The following TBL1XR1 variants were observed in gnomAD, a reference collection of about 807,000 sequenced individuals.
TBL1XR1 encodes the protein F-box-like/WD repeat-containing protein TBL1XR1.
TBL1XR1 carries 5 observed loss-of-function variants against 66.9 expected under a neutral mutation model. That is an observed-to-expected ratio of 0.07 (90% CI 0.04 to 0.16). The LOEUF is 0.16. TBL1XR1 is among the 10% of genes least tolerant of loss of function. The pLI is 1.00. For missense variants in TBL1XR1, 238 were observed against 623.2 expected, an observed-to-expected ratio of 0.38 and a Z score of 6.58; for synonymous variants, 210 against 206.0, an observed-to-expected ratio of 1.02 and a Z score of -0.17.
intron 7 of TBL1XR1, 138 bp downstream of exon 7, chr3:177,049,859 G>T: frequency 1.1e-6 from 1 of 911,042 alleles, no homozygotes; most frequent in Non-Finnish European, 1.6e-6. Flanking sequence ...GGGCTGGCAG[G>T]GGACGACTCC....
intron 2 of TBL1XR1, among the ~76,000 whole-genome samples, chr3:177,083,723 A>G (rs1326582305): frequency 6.6e-6 from 1 of 152,232 alleles, no homozygotes. Flanking sequence ...TGCAGTCATC[A>G]GTATACTTCT....
chr3:177,135,864 A>C (rs529011783), intron 1 of TBL1XR1, among the ~76,000 whole-genome samples: 2 of 151,916 alleles, frequency 1.3e-5, no homozygotes, highest in South Asian at 4.2e-4. Context: ...TGTAAATAAA[A>C]AGCACTCTGG....
intron 1 of TBL1XR1, among the ~76,000 whole-genome samples, chr3:177,152,687 A>G (rs1731041196): frequency 6.6e-6 from 1 of 152,144 alleles, no homozygotes; most frequent in Admixed American, 6.5e-5. Context: ...ATCTCTATAT[A>G]TTATTTTCTA....
At chr3:177,112,106 T>TAC (rs1725706914) in intron 1 of TBL1XR1, among the ~76,000 whole-genome samples, 2 of 57,148 alleles carry the variant, frequency 3.5e-5, no homozygotes, top group African/African-American at 2.7e-4. Flanking sequence ...TATATATATA[T>TAC]ATTTTTTTTT....
At chr3:177,178,720 G>A (rs897639753) in intron 1 of TBL1XR1, among the ~76,000 whole-genome samples, 1 of 151,990 alleles carries the variant, frequency 6.6e-6, no homozygotes, top group African/African-American at 2.4e-5. Context: ...TAAAGGAGAT[G>A]GGACCATATT....
At chr3:177,192,315 C>T (rs1029436481) in intron 1 of TBL1XR1, among the ~76,000 whole-genome samples, 1 of 148,552 alleles carries the variant, frequency 6.7e-6, no homozygotes, top group African/African-American at 2.5e-5. Flanking sequence ...CCAGGAGGCG[C>T]GAGGTTGCAG....
intron 1 of TBL1XR1, among the ~76,000 whole-genome samples, chr3:177,107,477 T>C (rs961759589): frequency 1.3e-5 from 2 of 152,250 alleles, no homozygotes; most frequent in African/African-American, 4.8e-5. Flanking sequence ...AATACATTCA[T>C]TTATGAAATC....
chr3:177,167,874 C>A (rs903945620), intron 1 of TBL1XR1, among the ~76,000 whole-genome samples: 4 of 152,102 alleles, frequency 2.6e-5, no homozygotes, highest in Admixed American at 1.3e-4. Context: ...TGCAGTGAGT[C>A]GAGATCATGC....
upstream of TBL1XR1, among the ~76,000 whole-genome samples, chr3:177,198,174 C>G (rs900365233): frequency 6.6e-6 from 1 of 152,094 alleles, no homozygotes; most frequent in Non-Finnish European, 1.5e-5. Context: ...CTGTAATAAG[C>G]GACTTTCAAA....
chr3:177,165,304 G>A (rs1394777183), intron 1 of TBL1XR1, among the ~76,000 whole-genome samples: 3 of 152,134 alleles, frequency 2.0e-5, no homozygotes, highest in African/African-American at 7.2e-5. Flanking sequence ...CTAACAATAT[G>A]GATAAGATCT....
intron 2 of TBL1XR1, among the ~76,000 whole-genome samples, chr3:177,087,314 A>G (rs927302484): frequency 1.3e-5 from 2 of 151,992 alleles, no homozygotes; most frequent in Admixed American, 6.6e-5. Context: ...TTCTATAATC[A>G]TAAGCCCTTA....
At chr3:177,035,731 T>C (rs1367174446) in intron 12 of TBL1XR1, among the ~76,000 whole-genome samples, 1 of 152,154 alleles carries the variant, frequency 6.6e-6, no homozygotes, top group Non-Finnish European at 1.5e-5. Context: ...GCTGTGGGTG[T>C]CTGCCTGCAG....
chr3:177,135,791 A>G (rs186249593), intron 1 of TBL1XR1, among the ~76,000 whole-genome samples: 2 of 152,072 alleles, frequency 1.3e-5, no homozygotes, highest in South Asian at 2.1e-4. Context: ...CTTCCAACAA[A>G]GACAAGATTC....
At chr3:177,155,318 A>C (rs1436596706) in intron 1 of TBL1XR1, among the ~76,000 whole-genome samples, 5 of 152,222 alleles carry the variant, frequency 3.3e-5, no homozygotes, top group Admixed American at 3.3e-4. Context: ...TAAACTGATC[A>C]AGATTTGTAT....
At chr3:177,167,073 T>A (rs1235639288) in intron 1 of TBL1XR1, among the ~76,000 whole-genome samples, 1 of 152,234 alleles carries the variant, frequency 6.6e-6, no homozygotes, top group Non-Finnish European at 1.5e-5. Flanking sequence ...TTATCCATAA[T>A]TGCCAAAACT....
rs77214742 is a variant in TBL1XR1 at position 177,182,352 on chromosome 3, T to C, written c.-122+14769A>G. 0.048 allele frequency among the ~76,000 whole-genome samples: 7,310 copies of C among 152,140 alleles called. 785 individuals are homozygous for C. In the East Asian group the frequency reaches 0.49, roughly 10 times the overall value. ...GTGAGCCATGACCGTGCCACTGCCC[T>C]CCAGCCTGGGTGACAGAGTAAGATC... is the stretch of plus-strand genomic sequence containing the variant. On this transcript the variant is annotated intron_variant, in intron 1 of 15. Coordinates refer to ENST00000457928, the MANE Select transcript of TBL1XR1 (RefSeq NM_024665.7).
At chr3:177,076,275 T>C (rs546379025) in intron 2 of TBL1XR1, among the ~76,000 whole-genome samples, 1 of 152,172 alleles carries the variant, frequency 6.6e-6, no homozygotes, top group Non-Finnish European at 1.5e-5. Context: ...CAACATAAAT[T>C]TTGGAGGGAC....
intron 1 of TBL1XR1, among the ~76,000 whole-genome samples, chr3:177,169,992 G>A (rs1733270815): frequency 6.6e-6 from 1 of 152,182 alleles, no homozygotes; most frequent in Non-Finnish European, 1.5e-5. Flanking sequence ...GGGGGGCAGG[G>A]TTGAGCAGTC....
At chr3:177,094,312 A>G (rs1723191464) in intron 2 of TBL1XR1, among the ~76,000 whole-genome samples, 1 of 152,214 alleles carries the variant, frequency 6.6e-6, no homozygotes, top group South Asian at 2.1e-4. Context: ...GTAATCAAAA[A>G]ATGAAAAAAT....
Sources: gnomAD v4.1 joint callset for allele counts (sites outside exome capture counted in the v4.1 genomes callset) on GRCh38, gnomAD v4.1.1 for gene constraint, MANE v1.5 for transcripts, NCBI Gene and HGNC (gene_info 2026-07-23, HGNC 2026-07-21) for gene names.